The following RBM6 variants were observed in gnomAD, a reference collection of about 807,000 sequenced individuals.
RBM6 encodes RNA-binding protein 6.
RBM6 carries 23 observed loss-of-function variants against 140.4 expected under a neutral mutation model. The ratio of observed to expected loss-of-function variants is 0.16; its 90% CI spans 0.12 to 0.23. The LOEUF is 0.23. Ranked by LOEUF, RBM6 falls within the 10% of genes least tolerant of loss-of-function variation. The pLI is 1.00. For synonymous variants in RBM6, 439 were observed against 475.6 expected (o/e 0.92, Z 1.00); for missense variants, 1,139 against 1,386.7 (o/e 0.82, Z 2.84).
intron 6 of RBM6, among the ~76,000 whole-genome samples, chr3:50,022,791 AT>A (rs1284259963): frequency 6.6e-6 from 1 of 152,096 alleles, no homozygotes; most frequent in Non-Finnish European, 1.5e-5. Flanking sequence ...TAAGGTAAAT[AT>A]ATGTGGGATA....
chr3:50,044,432 G>A (rs1465951483), intron 6 of RBM6, among the ~76,000 whole-genome samples: 2 of 151,884 alleles, frequency 1.3e-5, no homozygotes, highest in South Asian at 2.1e-4. Flanking sequence ...GCCCATCCTG[G>A]CCAACATGGT....
chr3:50,029,739 T>A (rs750309919), intron 6 of RBM6, among the ~76,000 whole-genome samples: 20 of 151,400 alleles, frequency 1.3e-4, no homozygotes, highest in East Asian at 5.9e-4. Flanking sequence ...TCTCAAAAAA[T>A]AATAATAATA....
intron 5 of RBM6, among the ~76,000 whole-genome samples, chr3:49,975,880 A>G (rs2085041876): frequency 6.6e-6 from 1 of 152,176 alleles, no homozygotes; most frequent in African/African-American, 2.4e-5. Context: ...AAATCCATGA[A>G]TAGACCCAGA....
At position 50,023,611 on chromosome 3, in the gene RBM6, G is replaced by C. The variant is rs774710930; in HGVS notation, c.1557+24098G>C. On this transcript the variant is annotated intron_variant, in intron 6 of 20. Coordinates refer to ENST00000266022, the MANE Select transcript of RBM6 (RefSeq NM_005777.3). ...AAAGGAGGTGAATTTAATAATTGCT[G>C]TGATTACTCTGGCATTATACGCTCA... 3.3e-5 allele frequency among the ~76,000 whole-genome samples: 5 copies of C among 150,236 alleles called. No individual in the cohort carries two copies. The East Asian group carries it at 9.8e-4, about 29-fold the overall frequency.
chr3:50,060,630 T>TGTAG (rs2089899572), intron 11 of RBM6, among the ~76,000 whole-genome samples: 1 of 151,632 alleles, frequency 6.6e-6, no homozygotes, highest in African/African-American at 2.4e-5. Flanking sequence ...GGTGGGCACC[T>TGTAG]GTAGTCCCAG....
At chr3:50,034,734 C>CT (rs1161380341) in intron 6 of RBM6, among the ~76,000 whole-genome samples, 1 of 152,140 alleles carries the variant, frequency 6.6e-6, no homozygotes, top group Non-Finnish European at 1.5e-5. Flanking sequence ...GCACTCCAGC[C>CT]TGGGCGACAG....
intron 1 of RBM6, among the ~76,000 whole-genome samples, chr3:49,946,116 A>T (rs867044977): frequency 6.6e-6 from 1 of 151,994 alleles, no homozygotes; most frequent in African/African-American, 2.4e-5. Flanking sequence ...CTGTGAGAAT[A>T]ATTTCTGTGG....
At chr3:50,070,287 G>A (rs1382509900) in intron 18 of RBM6, among the ~76,000 whole-genome samples, 168 bp from the exon 19 acceptor site, 2 of 151,926 alleles carry the variant, frequency 1.3e-5, no homozygotes, top group African/African-American at 2.4e-5. Flanking sequence ...CCTGGGAGGC[G>A]GAGGTTGCAG....
chr3:50,026,514 G>A (rs150969876), intron 6 of RBM6, among the ~76,000 whole-genome samples: 1,979 of 151,502 alleles, frequency 0.013, 45 homozygotes, highest in African/African-American at 0.046. Context: ...CAAATAGCTG[G>A]GACTACAGGC....
chr3:49,973,708 C>G (rs2084911874), intron 4 of RBM6, among the ~76,000 whole-genome samples: 1 of 149,968 alleles, frequency 6.7e-6, no homozygotes, highest in Admixed American at 6.7e-5. Context: ...GCCTCAGCCT[C>G]CCAAGTAGCT....
intron 1 of RBM6, among the ~76,000 whole-genome samples, chr3:49,950,391 G>A (rs2083682633): frequency 6.6e-6 from 1 of 152,142 alleles, no homozygotes; most frequent in African/African-American, 2.4e-5. Flanking sequence ...GCTGCTAGAG[G>A]TGCAATTCCT....
intron 1 of RBM6, among the ~76,000 whole-genome samples, chr3:49,961,512 T>C (rs907325686): frequency 1.3e-5 from 2 of 151,892 alleles, no homozygotes; most frequent in African/African-American, 4.8e-5. Context: ...TAAAAACTTA[T>C]TTTTCTGGCC....
At chr3:50,008,951 T>C (rs896445166) in intron 6 of RBM6, among the ~76,000 whole-genome samples, 10 of 152,174 alleles carry the variant, frequency 6.6e-5, no homozygotes, top group African/African-American at 2.2e-4. Flanking sequence ...GTATGTAGTA[T>C]ATGTAAAGTG....
chr3:50,043,560 G>A (rs2089050051), intron 6 of RBM6, among the ~76,000 whole-genome samples: 1 of 150,240 alleles, frequency 6.7e-6, no homozygotes, highest in African/African-American at 2.4e-5. Flanking sequence ...ATACATATAT[G>A]TATGTACACA....
intron 6 of RBM6, among the ~76,000 whole-genome samples, chr3:50,001,307 T>A (rs1344277504): frequency 6.6e-6 from 1 of 151,690 alleles, no homozygotes; most frequent in Non-Finnish European, 1.5e-5. Context: ...CTACAAAAAA[T>A]AAAAGTGAAA....
intron 6 of RBM6, among the ~76,000 whole-genome samples, chr3:50,029,424 G>A (rs745377167): frequency 6.6e-6 from 1 of 152,144 alleles, no homozygotes; most frequent in African/African-American, 2.4e-5. Context: ...CAGAATCAAA[G>A]GCCACTCAGA....
At chr3:49,984,586 A>G (rs2085458005) in intron 5 of RBM6, among the ~76,000 whole-genome samples, 1 of 70,004 alleles carries the variant, frequency 1.4e-5, no homozygotes, top group African/African-American at 7.7e-5. Context: ...GTCTAACGTG[A>G]CATCACATCA....
At chr3:50,011,145 T>G (rs998130570) in intron 6 of RBM6, among the ~76,000 whole-genome samples, 1 of 151,898 alleles carries the variant, frequency 6.6e-6, no homozygotes, top group African/African-American at 2.4e-5. Context: ...GAGGATCACT[T>G]GAGCCCAGGA....
chr3:50,053,196 T>C (rs2089548356), intron 7 of RBM6, among the ~76,000 whole-genome samples: 1 of 152,048 alleles, frequency 6.6e-6, no homozygotes, highest in Non-Finnish European at 1.5e-5. Flanking sequence ...GATCAATAAG[T>C]GATGACATAT....
Sources: gnomAD v4.1 joint callset for allele counts (sites outside exome capture counted in the v4.1 genomes callset) on GRCh38, gnomAD v4.1.1 for gene constraint, MANE v1.5 for transcripts, NCBI Gene and HGNC (gene_info 2026-07-23, HGNC 2026-07-21) for gene names.